The following CFAP46 variants were observed in gnomAD, a reference collection of about 807,000 sequenced individuals.
CFAP46 encodes the protein cilia and flagella associated protein 46, also known as cilia- and flagella-associated protein 46.
Under a neutral mutation model 325.7 loss-of-function variants are expected in CFAP46, and 245 were observed. The observed-to-expected ratio is 0.75, with a 90% confidence interval of 0.68 to 0.84. The LOEUF is 0.84. CFAP46 is among the 40% of genes least tolerant of loss of function. The pLI, the probability that CFAP46 is intolerant of heterozygous loss-of-function variation, is 0.00. For synonymous variants in CFAP46, 1,523 were observed against 1,495.9 expected, an observed-to-expected ratio of 1.02 and a Z score of -0.42; for missense variants, 3,346 against 3,543.0, an observed-to-expected ratio of 0.94 and a Z score of 1.41.
At chr10:132,896,679 C>A (rs1272935734) in intron 24 of CFAP46, among the ~76,000 whole-genome samples, 1 of 152,154 alleles carries the variant, frequency 6.6e-6, no homozygotes, top group East Asian at 1.9e-4. Context: ...GTATTCAACG[C>A]AATCCCTATG....
intron 35 of CFAP46, among the ~76,000 whole-genome samples, chr10:132,861,702 C>T (rs1437435007): frequency 2.6e-5 from 4 of 152,200 alleles, no homozygotes; most frequent in South Asian, 2.1e-4. Context: ...GCGGGAAAGC[C>T]GGTCCCAGCT....
At chr10:132,825,688 C>T (rs929010252) in intron 50 of CFAP46, among the ~76,000 whole-genome samples, 10 of 152,162 alleles carry the variant, frequency 6.6e-5, no homozygotes, top group African/African-American at 2.4e-4. Flanking sequence ...GTGAAAAGAA[C>T]TGGTACAGAG....
intron 50 of CFAP46, among the ~76,000 whole-genome samples, chr10:132,821,894 G>A (rs373476178): frequency 6.8e-6 from 1 of 146,896 alleles, no homozygotes; most frequent in Admixed American, 6.7e-5. Context: ...GCAGTGATGT[G>A]TGTTGTGTGA....
intron 17 of CFAP46, 101 bp from the exon 18 acceptor site, chr10:132,913,359 A>C: frequency 1.9e-6 from 1 of 531,072 alleles, no homozygotes; most frequent in South Asian, 1.9e-5. Flanking sequence ...GCTGCAGGGC[A>C]AGAAGTGGGA....
chr10:132,848,751 C>A (rs1448060715), intron 41 of CFAP46, among the ~76,000 whole-genome samples: 1 of 152,240 alleles, frequency 6.6e-6, no homozygotes, highest in Admixed American at 6.5e-5. Context: ...CCCCTCTCCG[C>A]CACAGAGAGC....
In CFAP46 at chr10:132,941,023, G is replaced by A. The variant is rs149173855; in HGVS notation, c.344C>T (p.Ala115Val). 4 of 1,614,036 alleles carry A rather than the reference G, an allele frequency of 2.5e-6. No homozygotes were observed. In the African/African-American group the frequency reaches 5.3e-5, roughly 22 times the overall value. The change falls in exon 4 of 58, where the codon GCC (alanine) becomes GTC (valine). Residue 115 changes from alanine (A) to valine (V), a missense_variant. Coordinates refer to ENST00000368586, the MANE Select transcript of CFAP46 (RefSeq NM_001200049.3). ...CGGTTCTCCTTTGGCAAAGTTTATGGCCTTCATGTACTCAGTCACGCAATT... is the reference window on the plus strand; with the variant it reads ...CGGTTCTCCTTTGGCAAAGTTTATGACCTTCATGTACTCAGTCACGCAATT... ...FENCVTEYMK[A>V]INFAKGEPRY...
Position 132,889,285 on chromosome 10 carries a change from T to C in CFAP46, c.3304+3048A>G, listed in dbSNP as rs1849222804. Among the ~76,000 whole-genome samples, 1 of 152,114 alleles carries C rather than the reference T, an allele frequency of 6.6e-6. No individual in the cohort carries two copies. The highest frequency in any genetic ancestry group is 1.5e-5 in the Non-Finnish European group (1 of 68,008). ...TTTCCCTTCTCTGACTCATTTTTCA[T>C]GAGACTGCATTCTCCAGAGCCGACC... On this transcript the variant is annotated intron_variant, in intron 25 of 57. Coordinates refer to ENST00000368586, the MANE Select transcript of CFAP46 (RefSeq NM_001200049.3). This position sits in a 1 kb window ranked among gnomAD's most constrained non-coding sequence, Gnocchi z 6.0.
intron 22 of CFAP46, among the ~76,000 whole-genome samples, chr10:132,903,425 T>C (rs906057885): frequency 3.3e-5 from 5 of 151,940 alleles, no homozygotes; most frequent in African/African-American, 9.7e-5. Flanking sequence ...CCCTGACCCA[T>C]TTCTCCCCGC....
rs565113686 is a variant in CFAP46, at chr10:132,916,988, C to T, written c.1987-306G>A. On this transcript the variant is annotated intron_variant, in intron 16 of 57. Transcript: ENST00000368586. ...GTGGCTTCCCGGTATCAGCAGACAC[C>T]GGCCAGCATTTGCACCTCCCCTACG... Among the ~76,000 whole-genome samples, 95 of 152,350 alleles carry T rather than the reference C, an allele frequency of 6.2e-4. 1 individual carries two copies. The highest frequency in any genetic ancestry group is 2.1e-3 in the African/African-American group (88 of 41,590).
In CFAP46 at chr10:132,941,738, A is replaced by G. The variant is rs1206559888; in HGVS notation, c.175-16T>C. On this transcript the variant is annotated splice_polypyrimidine_tract_variant and intron_variant, in intron 2 of 57. Coordinates refer to ENST00000368586, the MANE Select transcript of CFAP46 (RefSeq NM_001200049.3). The stretch of plus-strand genomic sequence containing the variant: ...GCTGCCTCATCTGCAAGAGAACACC[A>G]CCACAGAAGATCACAGACCCGGAGG... The G allele has an allele frequency of 6.2e-7, 1 of 1,613,510 alleles. No individual in the cohort carries two copies. Among genetic ancestry groups the G allele is most frequent in the South Asian group, 1.1e-5 (1 of 91,022 alleles).
In CFAP46 at chr10:132,936,953, C is replaced by T. The variant is rs759914504; in HGVS notation, c.755+8G>A. ...TCAGTATTTGCTCTCCCTCCCAAAA[C>T]GACTTACGCCTTTAGCATATTAATA... On this transcript the variant is annotated splice_region_variant and intron_variant, in intron 7 of 57. Coordinates refer to ENST00000368586, the MANE Select transcript of CFAP46 (RefSeq NM_001200049.3). 1.1e-5 allele frequency: 16 copies of T among 1,501,082 alleles called. No individual in the cohort carries two copies. The highest frequency in any genetic ancestry group is 4.1e-5 in the African/African-American group (3 of 72,558). 93.0% of individuals were successfully genotyped at this position (1,501,082 alleles called of 1,614,324 possible).
At position 132,878,390 on chromosome 10, in the gene CFAP46, C is replaced by G. The variant is rs532655771; in HGVS notation, c.4006-303G>C. ...GCGGGACACCCCTGGCCCTGGGGCTCCCTGCTGGCCATCCCGCACTCTCCC... is the reference window on the plus strand; with the variant it reads ...GCGGGACACCCCTGGCCCTGGGGCTGCCTGCTGGCCATCCCGCACTCTCCC... On this transcript the variant is annotated intron_variant, in intron 29 of 57. Transcript: ENST00000368586. Among the ~76,000 whole-genome samples the G allele has an allele frequency of 7.2e-5, 11 of 152,212 alleles. No individual in the cohort carries two copies. The South Asian group carries it at 1.0e-3, about 14-fold the overall frequency.
intron 50 of CFAP46, among the ~76,000 whole-genome samples, chr10:132,829,174 T>C (rs922684739): frequency 1.3e-5 from 2 of 151,786 alleles, no homozygotes; most frequent in Non-Finnish European, 2.9e-5. Context: ...ACCTTGGCAA[T>C]ATTGGGCCTT....
chr10:132,822,661 G>A, intron 50 of CFAP46, among the ~76,000 whole-genome samples: 1 of 140,236 alleles, frequency 7.1e-6, no homozygotes, highest in South Asian at 2.5e-4. Flanking sequence ...TGTGTGCTGT[G>A]TGTGCGCTTG....
rs527259878 is a variant in CFAP46, at chr10:132,897,408, C to T, written c.3219+1551G>A. Among the ~76,000 whole-genome samples the T allele has an allele frequency of 7.5e-4, 114 of 152,344 alleles. 1 individual carries two copies. Among genetic ancestry groups the T allele is most frequent in the East Asian group, 1.7e-3 (9 of 5,178 alleles). On this transcript the variant is annotated intron_variant, in intron 24 of 57. Coordinates refer to ENST00000368586, the MANE Select transcript of CFAP46 (RefSeq NM_001200049.3). ...CTGTCCTGAGGCTCTCTGGCATGAA[C>T]CTCCGTCTGCTACGGCCCTCACTGT... is the stretch of plus-strand genomic sequence containing the variant.
chr10:132,816,612 C>T lies in CFAP46; in HGVS notation c.7118-1698G>A, dbSNP rs192611846. ...CCTCCCAAAGTTCTGGGATTACAGGCGTGAGCAATTGTGCCCGGCCAACTC... is the reference window on the plus strand; with the variant it reads ...CCTCCCAAAGTTCTGGGATTACAGGTGTGAGCAATTGTGCCCGGCCAACTC... On this transcript the variant is annotated intron_variant, in intron 50 of 57. Coordinates refer to ENST00000368586, the MANE Select transcript of CFAP46 (RefSeq NM_001200049.3). Among the ~76,000 whole-genome samples the T allele has an allele frequency of 1.2e-4, 19 of 152,302 alleles. No individual in the cohort carries two copies. The East Asian group carries it at 2.9e-3, about 23-fold the overall frequency.
intron 26 of CFAP46, among the ~76,000 whole-genome samples, chr10:132,885,609 C>G (rs1297687995): frequency 2.1e-5 from 3 of 143,428 alleles, no homozygotes; most frequent in African/African-American, 5.3e-5. Flanking sequence ...GGTGGGGGAG[C>G]AGCAGGCAGG....
chr10:132,918,307 C>T, intron 16 of CFAP46, 86 bp downstream of exon 16: 2 of 832,076 alleles, frequency 2.4e-6, no homozygotes, highest in Non-Finnish European at 3.1e-6. Flanking sequence ...GATGAACGCC[C>T]CTCTCCACGA....
At position 132,921,249 on chromosome 10, in the gene CFAP46, A is replaced by T. The variant is rs111372879; in HGVS notation, c.1606+855T>A. ...CTGAGCTGGAGGGAGGCCTGGCAGCAGCCCCCAGCAGGACCCTCAGGGGAC... is the reference window on the plus strand; with the variant it reads ...CTGAGCTGGAGGGAGGCCTGGCAGCTGCCCCCAGCAGGACCCTCAGGGGAC... On this transcript the variant is annotated intron_variant, in intron 13 of 57. Coordinates refer to ENST00000368586, the MANE Select transcript of CFAP46 (RefSeq NM_001200049.3). Among the ~76,000 whole-genome samples, 567 of 152,300 alleles carry T rather than the reference A, an allele frequency of 3.7e-3. 1 individual carries two copies. Among genetic ancestry groups the T allele is most frequent in the Non-Finnish European group, 6.0e-3 (409 of 68,000 alleles).
Sources: gnomAD v4.1 joint callset for allele counts (sites outside exome capture counted in the v4.1 genomes callset) on GRCh38, gnomAD v4.1.1 for gene constraint, Gnocchi (gnomAD v3.1) non-coding constraint, MANE v1.5 for transcripts, NCBI Gene and HGNC (gene_info 2026-07-23, HGNC 2026-07-21) for gene names.